Variants in NRG1 observed in about 807,000 individuals in gnomAD.
NRG1 encodes pro-neuregulin-1, membrane-bound isoform.
In NRG1, 18 loss-of-function variants were observed where a neutral mutation model predicts 63.8. The observed-to-expected ratio is 0.28, with a 90% CI of 0.19 to 0.42. The LOEUF is 0.42. Ranked by LOEUF, NRG1 falls within the 10% of genes least tolerant of loss-of-function variation. The probability of loss-of-function intolerance (pLI) is 1.00; values close to 1 mark genes in which losing one functional copy is unlikely to be tolerated. For synonymous variants in NRG1, 302 were observed against 301.3 expected (o/e 1.00, Z -0.02); for missense variants, 762 against 814.7 (o/e 0.94, Z 0.79).
intron 1 of NRG1, among the ~76,000 whole-genome samples, chr8:32,202,470 GC>G (rs1213902096): frequency 6.6e-6 from 1 of 152,138 alleles, no homozygotes; most frequent in Non-Finnish European, 1.5e-5. Flanking sequence ...TTTTAGCCCT[GC>G]CATCTGGAGA....
intron 1 of NRG1, among the ~76,000 whole-genome samples, chr8:32,000,828 T>C (rs908756843): frequency 6.6e-6 from 1 of 152,046 alleles, no homozygotes; most frequent in African/African-American, 2.4e-5. Context: ...CTTTTGCACC[T>C]ACCTAATATA....
rs192577532 is a variant in NRG1 at position 32,606,090 on chromosome 8, T to G, written c.400+407T>G. Reference sequence around the variant, plus strand: ...ATATGCACACAGAATATATGCATATTATGTATTATATATGCGTTATATATG... The same window carrying G: ...ATATGCACACAGAATATATGCATATGATGTATTATATATGCGTTATATATG... On this transcript the variant is annotated intron_variant, in intron 3 of 11. Transcript: ENST00000356819. Among the ~76,000 whole-genome samples the G allele has an allele frequency of 8.7e-3, 1,299 of 149,770 alleles. 4 individuals are homozygous for G. The highest frequency in any genetic ancestry group is 0.039 in the Middle Eastern group (11 of 282).
chr8:31,797,065 G>A, intron 1 of NRG1, among the ~76,000 whole-genome samples: 1 of 152,180 alleles, frequency 6.6e-6, no homozygotes, highest in East Asian at 1.9e-4. Flanking sequence ...GAATCAGCCT[G>A]AGTTCTAGCT....
chr8:32,456,883 G>A lies in NRG1; in HGVS notation c.38-138945G>A, dbSNP rs535841100. On this transcript the variant is annotated intron_variant, in intron 1 of 10. Coordinates refer to the NRG1 transcript ENST00000519301. ...GCGTAGACTCACGTCTATCATCCCA[G>A]CACTTTGGGAGGCCGAGGAGGGTGG... Among the ~76,000 whole-genome samples the A allele has an allele frequency of 2.3e-4, 35 of 152,222 alleles. No individual in the cohort carries two copies. In the East Asian group the frequency reaches 6.6e-3, roughly 29 times the overall value.
chr8:31,683,514 C>T (rs34171021), intron 1 of NRG1, among the ~76,000 whole-genome samples: 35,138 of 152,002 alleles, frequency 0.23, 4,298 homozygotes, highest in Admixed American at 0.27. Context: ...ACTATGGAGT[C>T]GTTAAATAGA....
chr8:32,308,038 G>C (rs1435625967), intron 1 of NRG1, among the ~76,000 whole-genome samples: 1 of 152,040 alleles, frequency 6.6e-6, no homozygotes, highest in Non-Finnish European at 1.5e-5. Context: ...CTGGAAAACG[G>C]GAACCATGCT....
intron 1 of NRG1, among the ~76,000 whole-genome samples, chr8:32,101,380 G>GTTT (rs1830554573): frequency 6.6e-6 from 1 of 151,464 alleles, no homozygotes. Context: ...TCAAAACATA[G>GTTT]GAAACAACTA....
intron 1 of NRG1, among the ~76,000 whole-genome samples, chr8:32,355,920 T>G (rs2129480357): frequency 6.6e-6 from 1 of 152,282 alleles, no homozygotes; most frequent in South Asian, 2.1e-4. Context: ...TGAACATGTG[T>G]CTGTCCCAAT....
chr8:31,650,122 C>T (rs565086152), intron 1 of NRG1, among the ~76,000 whole-genome samples: 51 of 152,218 alleles, frequency 3.4e-4, no homozygotes, highest in African/African-American at 1.2e-3. Flanking sequence ...GTATCACAGG[C>T]CCATGCCACT....
At chr8:32,513,676 AT>A (rs2129502507) in intron 1 of NRG1, among the ~76,000 whole-genome samples, 1 of 152,312 alleles carries the variant, frequency 6.6e-6, no homozygotes, top group East Asian at 1.9e-4. Flanking sequence ...TATCCGTATC[AT>A]TTTTGAGAAT....
intron 1 of NRG1, among the ~76,000 whole-genome samples, chr8:32,224,241 C>T (rs1439598267): frequency 1.3e-5 from 2 of 152,082 alleles, no homozygotes; most frequent in East Asian, 1.9e-4. Flanking sequence ...AACAACCAAG[C>T]GGCTGAATGA....
chr8:31,703,250 A>G (rs548883969), intron 1 of NRG1, among the ~76,000 whole-genome samples: 34 of 151,884 alleles, frequency 2.2e-4, no homozygotes, highest in Middle Eastern at 3.4e-3. Flanking sequence ...AAAGCAATAT[A>G]CTGTGTCTAC....
At chr8:32,569,022 C>G (rs1049593452) in intron 1 of NRG1, among the ~76,000 whole-genome samples, 1 of 151,580 alleles carries the variant, frequency 6.6e-6, no homozygotes, top group Non-Finnish European at 1.5e-5. Context: ...ATTGAAAGGC[C>G]GAAATCAGCC....
chr8:31,946,238 G>A (rs1048951583), intron 1 of NRG1, among the ~76,000 whole-genome samples: 1 of 152,166 alleles, frequency 6.6e-6, no homozygotes, highest in Admixed American at 6.5e-5. Flanking sequence ...GATTGCAGAA[G>A]CTATATGTAA....
At chr8:31,733,983 A>G (rs1001398435) in intron 1 of NRG1, among the ~76,000 whole-genome samples, 1 of 151,994 alleles carries the variant, frequency 6.6e-6, no homozygotes, top group East Asian at 1.9e-4. Flanking sequence ...CTACTCTAAT[A>G]TTTCCTCTGT....
At chr8:32,489,337 C>T (rs545529835) in intron 1 of NRG1, among the ~76,000 whole-genome samples, 43 of 152,266 alleles carry the variant, frequency 2.8e-4, no homozygotes, top group African/African-American at 9.6e-4. Context: ...GAGCCCCCTG[C>T]CCAACTCCTG....
chr8:31,968,921 A>C (rs1196626306), intron 1 of NRG1, among the ~76,000 whole-genome samples: 3 of 152,224 alleles, frequency 2.0e-5, no homozygotes, highest in Non-Finnish European at 4.4e-5. Context: ...CTTGCATGTA[A>C]GAATGCAGGT....
At chr8:32,486,627 A>ATTTTTTTTTTTTTTTTT (rs1554557143) in intron 1 of NRG1, among the ~76,000 whole-genome samples, 6 of 145,516 alleles carry the variant, frequency 4.1e-5, no homozygotes, top group African/African-American at 1.5e-4. Flanking sequence ...GAATTGCTGG[A>ATTTTTTTTTTTTTTTTT]TTTTTTTTTT....
At chr8:31,889,687 AT>A (rs1309668359) in intron 1 of NRG1, among the ~76,000 whole-genome samples, 2 of 152,194 alleles carry the variant, frequency 1.3e-5, no homozygotes. Flanking sequence ...GTCACTGCAC[AT>A]TTACCTCCAG....
Sources: allele counts gnomAD v4.1 joint callset (sites outside exome capture counted in the v4.1 genomes callset), GRCh38; gene constraint gnomAD v4.1.1; transcripts MANE v1.5; gene names NCBI Gene and HGNC (gene_info 2026-07-23, HGNC 2026-07-21).